DNAAF4: variants seen among roughly 807,000 people sequenced by gnomAD.
DNAAF4 encodes dynein axonemal assembly factor 4.
Under a neutral mutation model 51.8 loss-of-function variants are expected in DNAAF4, and 43 were observed. That is an observed-to-expected ratio of 0.83 (90% CI 0.65 to 1.07). The LOEUF is 1.07. Among genes scored for constraint, DNAAF4 ranks in the 50% least tolerant of loss-of-function variants. The pLI, the probability that DNAAF4 is intolerant of heterozygous loss-of-function variation, is 0.00. For synonymous variants in DNAAF4, 194 were observed against 165.6 expected (o/e 1.17, Z -1.32); for missense variants, 581 against 493.0 (o/e 1.18, Z -1.69).
At chr15:55,494,421 AT>A (rs1298476593) in intron 3 of DNAAF4, among the ~76,000 whole-genome samples, 7 of 150,728 alleles carry the variant, frequency 4.6e-5, no homozygotes, top group East Asian at 2.0e-4. Context: ...TTTATTTTTT[AT>A]TTTTTTTGAG....
chr15:55,430,961 G>A lies in DNAAF4; in HGVS notation c.1154-182C>T, dbSNP rs549220110. The stretch of plus-strand genomic sequence containing the variant: ...CAGAGTCTCCTTCTGTTGCCCAGGC[G>A]GGAGTGCAGTGGCATGATCTCGGCT... On this transcript the variant is annotated intron_variant, in intron 9 of 9. Transcript: ENST00000321149. Among the ~76,000 whole-genome samples the A allele has an allele frequency of 2.2e-4, 34 of 151,870 alleles. No individual in the cohort carries two copies. In the East Asian group the frequency reaches 4.6e-3, roughly 21 times the overall value.
rs550808017 is a variant in DNAAF4, at chr15:55,448,426, A to G, written c.783+1796T>C. 2.0e-5 allele frequency among the ~76,000 whole-genome samples: 3 copies of G among 149,544 alleles called. No homozygotes were observed. In the East Asian group the frequency reaches 5.9e-4, roughly 30 times the overall value. The stretch of plus-strand genomic sequence containing the variant: ...ATATGCAGAAGGTCACTTGAGCCCA[A>G]GAGTTCAAGGCTACAGTGAGCCATG... On this transcript the variant is annotated intron_variant, in intron 6 of 9. Coordinates refer to ENST00000321149, the MANE Select transcript of DNAAF4 (RefSeq NM_130810.4).
chr15:55,493,211 A>T (rs2058597564), intron 3 of DNAAF4, among the ~76,000 whole-genome samples: 1 of 152,204 alleles, frequency 6.6e-6, no homozygotes, highest in African/African-American at 2.4e-5. Context: ...CCCAGCCTAC[A>T]GGAGTGTGAG....
At chr15:55,476,594 C>A (rs967689991) in intron 4 of DNAAF4, among the ~76,000 whole-genome samples, 1 of 152,034 alleles carries the variant, frequency 6.6e-6, no homozygotes, top group African/African-American at 2.4e-5. Flanking sequence ...GTGTTCTATA[C>A]GTTTTAATAG....
At chr15:55,482,781 T>C (rs1363557257) in intron 4 of DNAAF4, among the ~76,000 whole-genome samples, 2 of 152,176 alleles carry the variant, frequency 1.3e-5, no homozygotes, top group African/African-American at 4.8e-5. Context: ...GAAGAGAACC[T>C]AAATTTTCAC....
At position 55,447,523 on chromosome 15, in the gene DNAAF4, C is replaced by T. The variant is rs140225173; in HGVS notation, c.783+2699G>A. Among the ~76,000 whole-genome samples, 741 of 151,814 alleles carry T rather than the reference C, an allele frequency of 4.9e-3. 2 individuals are homozygous for T. The highest frequency in any genetic ancestry group is 0.017 in the African/African-American group (707 of 41,396). ...GTGAGCAAGACTCCATCTGCAATCC[C>T]AGCACCTCGGGAGGCCGAGGCGGGC... is the stretch of plus-strand genomic sequence containing the variant. On this transcript the variant is annotated intron_variant, in intron 6 of 9. Coordinates refer to ENST00000321149, the MANE Select transcript of DNAAF4 (RefSeq NM_130810.4).
At chr15:55,452,392 A>T (rs116538884) in intron 5 of DNAAF4, among the ~76,000 whole-genome samples, 2,338 of 151,988 alleles carry the variant, frequency 0.015, 62 homozygotes, top group African/African-American at 0.054. Context: ...AATCATCACT[A>T]TTATCCCATG....
At chr15:55,427,496 G>A (rs1341304686), downstream of DNAAF4, among the ~76,000 whole-genome samples, 1 of 152,108 alleles carries the variant, frequency 6.6e-6, no homozygotes, top group Non-Finnish European at 1.5e-5. Context: ...TGGTTGGGGG[G>A]GCCACAAGAT....
At chr15:55,471,262 C>T (rs2058251322) in intron 4 of DNAAF4, among the ~76,000 whole-genome samples, 1 of 152,094 alleles carries the variant, frequency 6.6e-6, no homozygotes, top group East Asian at 1.9e-4. Flanking sequence ...TGGTGGCCAG[C>T]CACCACCCAA....
intron 4 of DNAAF4, among the ~76,000 whole-genome samples, chr15:55,484,604 A>G (rs1376493632): frequency 6.6e-6 from 1 of 152,184 alleles, no homozygotes; most frequent in Non-Finnish European, 1.5e-5. Context: ...ATACTCGTGT[A>G]TATTAGTCAG....
At chr15:55,428,470 AC>A (rs2057452341), downstream of DNAAF4, among the ~76,000 whole-genome samples, 1 of 127,000 alleles carries the variant, frequency 7.9e-6, no homozygotes, top group Non-Finnish European at 1.7e-5. Context: ...AATCTCTCTC[AC>A]TGTCTTTTTT....
chr15:55,450,428 T>G (rs2057914650), intron 5 of DNAAF4, 61 bp from the exon 6 acceptor site: 3 of 1,541,462 alleles, frequency 1.9e-6, no homozygotes, highest in Admixed American at 1.9e-5. Flanking sequence ...AACAATCAAC[T>G]GATAAAGTAA....
At position 55,487,574 on chromosome 15, in the gene DNAAF4, C is replaced by T. The variant is rs192706140; in HGVS notation, c.405+3549G>A. Among the ~76,000 whole-genome samples the T allele has an allele frequency of 5.9e-5, 9 of 152,172 alleles. No individual in the cohort carries two copies. In the East Asian group the frequency reaches 1.4e-3, roughly 23 times the overall value. ...CTTGCTGCTGCTCACTCTTCGGGTC[C>T]GCGCCACCTTTAAGAGCTGTAACAG... On this transcript the variant is annotated intron_variant, in intron 4 of 9. Transcript: ENST00000321149.
At chr15:55,464,560 G>A (rs2264298) in intron 5 of DNAAF4, among the ~76,000 whole-genome samples, 112,607 of 152,180 alleles carry the variant, frequency 0.74, 42,474 homozygotes, top group East Asian at 0.93. Flanking sequence ...TGCATCTGAC[G>A]AAGGACTAAT....
chr15:55,452,618 A>C (rs964219291), intron 5 of DNAAF4, among the ~76,000 whole-genome samples: 1 of 152,220 alleles, frequency 6.6e-6, no homozygotes, highest in African/African-American at 2.4e-5. Context: ...CTTTTACTAC[A>C]AAGTTTTACA....
chr15:55,481,883 G>A (rs1295358814), intron 4 of DNAAF4, among the ~76,000 whole-genome samples: 1 of 152,182 alleles, frequency 6.6e-6, no homozygotes, highest in Non-Finnish European at 1.5e-5. Context: ...AATTAGTTAT[G>A]GGCCAAGACT....
chr15:55,449,173 A>G (rs2057891441), intron 6 of DNAAF4, among the ~76,000 whole-genome samples: 1 of 150,118 alleles, frequency 6.7e-6, no homozygotes, highest in Non-Finnish European at 1.5e-5. Context: ...TATTTTTAAT[A>G]GCGATGGGGT....
intron 7 of DNAAF4, 105 bp from the exon 8 acceptor site, chr15:55,435,163 CATT>C: frequency 7.9e-7 from 1 of 1,258,904 alleles, no homozygotes; most frequent in Non-Finnish European, 1.1e-6. Context: ...CCTCTTTTTG[CATT>C]CTCTTTAGGG....
chr15:55,438,738 T>A (rs1482744856), intron 7 of DNAAF4, among the ~76,000 whole-genome samples: 1 of 151,338 alleles, frequency 6.6e-6, no homozygotes, highest in Non-Finnish European at 1.5e-5. Flanking sequence ...TGAGCTGAGA[T>A]TGCACCACTA....
Sources: allele counts gnomAD v4.1 joint callset (sites outside exome capture counted in the v4.1 genomes callset), GRCh38; gene constraint gnomAD v4.1.1; transcripts MANE v1.5; gene names NCBI Gene and HGNC (gene_info 2026-07-23, HGNC 2026-07-21).